CFDP1: variants seen among roughly 807,000 people sequenced by gnomAD.
The protein encoded by CFDP1 is chromatin remodeling protein CFDP1, also known as heterochromatin-stabilizing protein CFDP1.
In CFDP1, 31 loss-of-function variants were observed where a neutral mutation model predicts 40.1. That is an observed-to-expected ratio of 0.77 (90% CI 0.58 to 1.04). The LOEUF (loss-of-function observed/expected upper bound fraction) is 1.04, where lower values mean the gene tolerates loss of function less well. Among genes scored for constraint, CFDP1 ranks in the 50% least tolerant of loss-of-function variants. The pLI, the probability that CFDP1 is intolerant of heterozygous loss-of-function variation, is 0.00. For missense variants in CFDP1, 423 were observed against 343.4 expected (o/e 1.23, Z -1.83); for synonymous variants, 167 against 120.0 (o/e 1.39, Z -2.56).
At chr16:75,418,016 G>C (rs1367493463) in intron 1 of CFDP1, among the ~76,000 whole-genome samples, 1 of 152,082 alleles carries the variant, frequency 6.6e-6, no homozygotes, top group East Asian at 1.9e-4. Context: ...CACTTTGGGA[G>C]GCTGAGGTGG....
intron 4 of CFDP1, among the ~76,000 whole-genome samples, chr16:75,397,063 G>A (rs1041483625): frequency 6.6e-5 from 10 of 152,094 alleles, no homozygotes; most frequent in East Asian, 2.0e-4. Flanking sequence ...ACGGGTGCCC[G>A]CCACCACGCC....
chr16:75,397,054 C>A (rs534474126), intron 4 of CFDP1, among the ~76,000 whole-genome samples: 1 of 152,046 alleles, frequency 6.6e-6, no homozygotes, highest in Non-Finnish European at 1.5e-5. Flanking sequence ...GCTGGGACTA[C>A]GGGTGCCCGC....
At chr16:75,397,141 C>G (rs987588809) in intron 4 of CFDP1, among the ~76,000 whole-genome samples, 1 of 151,742 alleles carries the variant, frequency 6.6e-6, no homozygotes, top group Non-Finnish European at 1.5e-5. Context: ...GTCTTGATCT[C>G]CTGACCTTGT....
At chr16:75,328,192 C>G (rs1350193417) in intron 5 of CFDP1, among the ~76,000 whole-genome samples, 1 of 149,862 alleles carries the variant, frequency 6.7e-6, no homozygotes, top group Non-Finnish European at 1.5e-5. Context: ...CTATGTTGCC[C>G]AGGCTGGTCT....
intron 5 of CFDP1, 94 bp from the exon 6 acceptor site, chr16:75,305,276 G>C: frequency 1.5e-6 from 2 of 1,293,466 alleles, no homozygotes; most frequent in African/African-American, 1.5e-5. Flanking sequence ...CCTAGATTGG[G>C]GCCATTTATC....
intron 5 of CFDP1, among the ~76,000 whole-genome samples, chr16:75,333,275 C>T (rs1445722181): frequency 6.6e-6 from 1 of 152,016 alleles, no homozygotes; most frequent in Non-Finnish European, 1.5e-5. Flanking sequence ...AGGCGCACGC[C>T]GCCACGCCTG....
intron 5 of CFDP1, among the ~76,000 whole-genome samples, chr16:75,337,571 T>C (rs1450204018): frequency 1.3e-5 from 2 of 152,192 alleles, no homozygotes; most frequent in African/African-American, 4.8e-5. Flanking sequence ...AATTGCCTCA[T>C]GGTTCCACAG....
intron 5 of CFDP1, among the ~76,000 whole-genome samples, chr16:75,368,743 G>A (rs115638605): frequency 1.3e-5 from 2 of 151,346 alleles, no homozygotes; most frequent in African/African-American, 2.4e-5. Flanking sequence ...CTAGGCTCAC[G>A]CAATCCTCCC....
chr16:75,354,543 A>G (rs2078634378), intron 5 of CFDP1, among the ~76,000 whole-genome samples: 1 of 152,204 alleles, frequency 6.6e-6, no homozygotes, highest in Non-Finnish European at 1.5e-5. Context: ...ATGCATAAAA[A>G]CATGATGGCA....
intron 5 of CFDP1, among the ~76,000 whole-genome samples, chr16:75,333,144 G>A (rs1219714296): frequency 8.4e-6 from 1 of 119,016 alleles, no homozygotes; most frequent in Non-Finnish European, 1.7e-5. Flanking sequence ...TTTTTTTTGA[G>A]ATGGAGTCTC....
At chr16:75,423,181 T>C (rs1388456356) in intron 1 of CFDP1, among the ~76,000 whole-genome samples, 4 of 148,998 alleles carry the variant, frequency 2.7e-5, no homozygotes, top group African/African-American at 9.9e-5. Context: ...CTCGGGAGGC[T>C]GAGGCAGGAG....
chr16:75,387,934 C>T (rs575301621), intron 5 of CFDP1, among the ~76,000 whole-genome samples: 72 of 152,294 alleles, frequency 4.7e-4, no homozygotes, highest in African/African-American at 1.5e-3. Context: ...GGAAACAGCC[C>T]TCTCACTTTC....
In CFDP1 at chr16:75,349,698, T is replaced by TATATATATATACACAC. The variant is rs146824267; in HGVS notation, c.651-44517_651-44516insGTGTGTATATATATAT. 6.9e-4 allele frequency among the ~76,000 whole-genome samples: 33 copies of TATATATATATACACAC among 47,900 alleles called. 2 individuals are homozygous for TATATATATATACACAC. The highest frequency in any genetic ancestry group is 8.8e-4 in the Non-Finnish European group (25 of 28,290). The allele number at this position is 47,900 out of a possible 152,430, so 31.4% of individuals were successfully genotyped here. A position where few individuals can be genotyped will look rare whatever the true frequency, so the allele number is the denominator to read the frequency against. ...AAAAAAAAAAAAAAAAAAATATATATACATACATATATACGGTTGATTTTT... is the reference window on the plus strand; with the variant it reads ...AAAAAAAAAAAAAAAAAAATATATATATATATATATACACACACATACATATATACGGTTGATTTTT... On this transcript the variant is annotated intron_variant, in intron 5 of 6. Coordinates refer to ENST00000283882, the MANE Select transcript of CFDP1 (RefSeq NM_006324.3).
At chr16:75,391,189 G>GCAT (rs1353765800) in intron 5 of CFDP1, 1 of 152,172 alleles carries the variant, frequency 6.6e-6, no homozygotes, top group African/African-American at 2.4e-5. Context: ...GAATCTCTAA[G>GCAT]CATCAACAGG....
At chr16:75,364,298 C>T (rs2078699490) in intron 5 of CFDP1, among the ~76,000 whole-genome samples, 1 of 152,126 alleles carries the variant, frequency 6.6e-6, no homozygotes, top group Non-Finnish European at 1.5e-5. Flanking sequence ...CTACCCTTTG[C>T]TGTCTTTTAG....
At chr16:75,296,423 G>A (rs745380324) in intron 6 of CFDP1, among the ~76,000 whole-genome samples, 24 of 152,092 alleles carry the variant, frequency 1.6e-4, no homozygotes, top group Non-Finnish European at 3.4e-4. Context: ...CTTTTGTAAA[G>A]ATAGGGTCTC....
At chr16:75,414,554 TA>T in intron 2 of CFDP1, 23 bp downstream of exon 2, 1 of 1,434,324 alleles carries the variant, frequency 7.0e-7, no homozygotes, top group Non-Finnish European at 9.8e-7. Flanking sequence ...CCCTAACTTC[TA>T]AGGGCCTTGA....
chr16:75,316,412 A>G (rs2078323378), intron 5 of CFDP1, among the ~76,000 whole-genome samples: 1 of 152,124 alleles, frequency 6.6e-6, no homozygotes, highest in African/African-American at 2.4e-5. Context: ...AAAGAATCCT[A>G]TTTGAAAGGC....
chr16:75,408,748 C>T (rs2079128054), intron 4 of CFDP1, among the ~76,000 whole-genome samples: 1 of 151,858 alleles, frequency 6.6e-6, no homozygotes, highest in Admixed American at 6.6e-5. Context: ...GTACTCTAGC[C>T]TCGGCAACAG....
Sources: allele counts gnomAD v4.1 joint callset (sites outside exome capture counted in the v4.1 genomes callset), GRCh38; gene constraint gnomAD v4.1.1; transcripts MANE v1.5; gene names NCBI Gene and HGNC (gene_info 2026-07-23, HGNC 2026-07-21).